Variants in RORA observed in about 807,000 individuals in gnomAD.
The protein encoded by RORA is RAR related orphan receptor A, also known as nuclear receptor ROR-alpha.
Under a neutral mutation model 69.5 loss-of-function variants are expected in RORA, and 7 were observed. The observed-to-expected ratio is 0.10, with a 90% CI of 0.06 to 0.19. RORA has a LOEUF of 0.19. RORA is among the 10% of genes least tolerant of loss of function. The pLI, the probability that RORA is intolerant of heterozygous loss-of-function variation, is 1.00. For missense variants in RORA, 457 were observed against 663.0 expected (o/e 0.69, Z 3.41); for synonymous variants, 261 against 240.8 (o/e 1.08, Z -0.78).
chr15:60,654,617 C>T (rs2070193491), intron 2 of RORA, among the ~76,000 whole-genome samples: 3 of 152,094 alleles, frequency 2.0e-5, no homozygotes, highest in Non-Finnish European at 4.4e-5. Context: ...GACTTTGCAG[C>T]TGTGATTAAA....
At chr15:61,119,814 T>A (rs2079086159) in intron 1 of RORA, among the ~76,000 whole-genome samples, 1 of 152,180 alleles carries the variant, frequency 6.6e-6, no homozygotes, top group Admixed American at 6.5e-5. Context: ...CCTGGGGACA[T>A]GAAATTCCAG....
chr15:60,774,603 G>A (rs2072133142), intron 1 of RORA, among the ~76,000 whole-genome samples: 1 of 152,194 alleles, frequency 6.6e-6, no homozygotes, highest in Non-Finnish European at 1.5e-5. Context: ...AGTGGTATTT[G>A]GGAGTCCTAA....
chr15:60,847,559 A>T (rs530474988), intron 1 of RORA, among the ~76,000 whole-genome samples: 1 of 152,128 alleles, frequency 6.6e-6, no homozygotes, highest in Non-Finnish European at 1.5e-5. Flanking sequence ...GTGCCTAGAC[A>T]TGTACTATCC....
chr15:60,562,511 C>G (rs1338942201), intron 2 of RORA, among the ~76,000 whole-genome samples: 5 of 151,998 alleles, frequency 3.3e-5, no homozygotes, highest in Non-Finnish European at 7.4e-5. Context: ...TCTCGGCCCA[C>G]TGCAACCTCT....
intron 1 of RORA, among the ~76,000 whole-genome samples, chr15:60,908,877 AT>A (rs111534735): frequency 0.016 from 2,261 of 145,484 alleles, 76 homozygotes; most frequent in Admixed American, 0.083. Flanking sequence ...ATTTCATTTC[AT>A]TTTTTTTTTT....
At position 60,511,251 on chromosome 15, in the gene RORA, G is replaced by A; in HGVS notation, c.795C>T (p.Ser265=). 6.2e-7 allele frequency: 1 copy of A among 1,613,758 alleles called. No homozygotes were observed. The highest frequency in any genetic ancestry group is 8.5e-7 in the Non-Finnish European group (1 of 1,179,790). The change falls in exon 5 of 11, where the codon TCC becomes TCT. Residue 265 remains serine (S), a synonymous_variant. Coordinates refer to ENST00000335670, the MANE Select transcript of RORA (RefSeq NM_134261.3). The surrounding 1 kb of genome is among the most constrained non-coding windows in gnomAD (Gnocchi z 6.4). ...PYCSFTNGET[S]PTVSMAELEH... ...CTAATTCTGCCATGGACACAGTTGG[G>A]GAAGTCTCGCCGTTGGTGAACGAAC...
intron 1 of RORA, among the ~76,000 whole-genome samples, chr15:60,980,437 GA>G (rs752971611): frequency 1.3e-5 from 2 of 152,106 alleles, no homozygotes; most frequent in Non-Finnish European, 2.9e-5. Flanking sequence ...TTTTTGGAAA[GA>G]TTTTGAGAAG....
At chr15:61,158,571 T>C (rs1357531366) in intron 1 of RORA, among the ~76,000 whole-genome samples, 10 of 152,210 alleles carry the variant, frequency 6.6e-5, no homozygotes, top group Admixed American at 4.6e-4. Flanking sequence ...GCACTTGCTA[T>C]ATGCCACCCA....
intron 1 of RORA, among the ~76,000 whole-genome samples, chr15:60,719,673 G>A (rs937026414): frequency 6.6e-6 from 1 of 152,160 alleles, no homozygotes; most frequent in African/African-American, 2.4e-5. Flanking sequence ...AAAAAGCTAC[G>A]TCCTGCTGCT....
intron 1 of RORA, among the ~76,000 whole-genome samples, chr15:60,879,490 C>A (rs1012657318): frequency 6.6e-6 from 1 of 152,092 alleles, no homozygotes; most frequent in African/African-American, 2.4e-5. Flanking sequence ...GAAGGGAAAG[C>A]AAATAACTGT....
chr15:60,919,261 A>G (rs1891968883), intron 1 of RORA, among the ~76,000 whole-genome samples: 1 of 152,172 alleles, frequency 6.6e-6, no homozygotes, highest in South Asian at 2.1e-4. Flanking sequence ...GGTGCCTGGC[A>G]TATGAAGAAT....
chr15:60,595,817 A>G (rs2068654476), intron 2 of RORA, among the ~76,000 whole-genome samples: 1 of 152,210 alleles, frequency 6.6e-6, no homozygotes, highest in Non-Finnish European at 1.5e-5. Context: ...AATCTCAGAA[A>G]AAGAAGGCAC....
chr15:61,212,550 C>T (rs1018944877), intron 1 of RORA, among the ~76,000 whole-genome samples: 5 of 152,260 alleles, frequency 3.3e-5, no homozygotes. Flanking sequence ...CAAGTGCACA[C>T]CTGGCTAATT....
intron 1 of RORA, among the ~76,000 whole-genome samples, chr15:61,177,964 C>CAA (rs1175212617): frequency 4.4e-5 from 4 of 90,826 alleles, no homozygotes; most frequent in African/African-American, 1.6e-4. Flanking sequence ...TCCATCTCAA[C>CAA]AAAAAAAAAA....
chr15:61,057,024 T>C (rs559525538), intron 1 of RORA, among the ~76,000 whole-genome samples: 71 of 152,354 alleles, frequency 4.7e-4, no homozygotes, highest in African/African-American at 1.7e-3. Flanking sequence ...TCACATTCAA[T>C]GTGAAACAAC....
At chr15:61,160,424 T>A (rs1411024043) in intron 1 of RORA, among the ~76,000 whole-genome samples, 1 of 152,212 alleles carries the variant, frequency 6.6e-6, no homozygotes, top group Non-Finnish European at 1.5e-5. Flanking sequence ...TTGAACCACA[T>A]TTCACACTAT....
intron 1 of RORA, among the ~76,000 whole-genome samples, chr15:61,040,653 T>C (rs1049778753): frequency 6.6e-5 from 10 of 152,144 alleles, no homozygotes; most frequent in Non-Finnish European, 1.3e-4. Flanking sequence ...TTTTTTGCCA[T>C]TTCATCCCCT....
chr15:60,854,528 T>A (rs2073360556), intron 1 of RORA, among the ~76,000 whole-genome samples: 1 of 152,150 alleles, frequency 6.6e-6, no homozygotes, highest in Non-Finnish European at 1.5e-5. Context: ...GGTTGATATA[T>A]AAAACACTAA....
chr15:61,220,252 G>A (rs956844075), intron 1 of RORA, among the ~76,000 whole-genome samples: 1 of 152,166 alleles, frequency 6.6e-6, no homozygotes, highest in Non-Finnish European at 1.5e-5. Context: ...GGACAATTGA[G>A]AGTTATGAGC....
Sources: gnomAD v4.1 joint callset for allele counts (sites outside exome capture counted in the v4.1 genomes callset) on GRCh38, gnomAD v4.1.1 for gene constraint, Gnocchi (gnomAD v3.1) non-coding constraint, MANE v1.5 for transcripts, NCBI Gene and HGNC (gene_info 2026-07-23, HGNC 2026-07-21) for gene names.